ZNF407: variants seen among roughly 807,000 people sequenced by gnomAD.
ZNF407 encodes zinc finger protein 407.
In ZNF407, 17 loss-of-function variants were observed where a neutral mutation model predicts 131.2. That is an observed-to-expected ratio of 0.13 (90% CI 0.09 to 0.19). The LOEUF is 0.19. Among genes scored for constraint, ZNF407 ranks in the 10% least tolerant of loss-of-function variants. ZNF407 has a pLI of 1.00. For missense variants in ZNF407, 2,681 were observed against 2,830.6 expected, an observed-to-expected ratio of 0.95 and a Z score of 1.20; for synonymous variants, 1,156 against 1,062.0, an observed-to-expected ratio of 1.09 and a Z score of -1.72.
chr18:74,719,204 G>T (rs1407928153), intron 3 of ZNF407, among the ~76,000 whole-genome samples: 2 of 152,098 alleles, frequency 1.3e-5, no homozygotes, highest in Non-Finnish European at 2.9e-5. Flanking sequence ...CCTCCTCCTA[G>T]CTGTTTGAAA....
At chr18:74,900,673 G>A (rs1032818837) in intron 7 of ZNF407, among the ~76,000 whole-genome samples, 10 of 152,050 alleles carry the variant, frequency 6.6e-5, no homozygotes, top group African/African-American at 2.4e-4. Context: ...AGTCTAACAG[G>A]ACCCTCTAAT....
chr18:74,878,434 G>A (rs1010985782), intron 5 of ZNF407, among the ~76,000 whole-genome samples: 2 of 152,136 alleles, frequency 1.3e-5, no homozygotes, highest in African/African-American at 4.8e-5. Context: ...CTTGACAAGG[G>A]TGTTGACGAT....
At chr18:74,774,451 G>A (rs1325103749) in intron 3 of ZNF407, among the ~76,000 whole-genome samples, 1 of 152,078 alleles carries the variant, frequency 6.6e-6, no homozygotes, top group East Asian at 1.9e-4. Flanking sequence ...AAGAAATTTC[G>A]AGATTACTAC....
chr18:74,927,455 T>C (rs1161715173), intron 8 of ZNF407, among the ~76,000 whole-genome samples: 2 of 152,230 alleles, frequency 1.3e-5, no homozygotes, highest in African/African-American at 4.8e-5. Context: ...GTAAATGTTT[T>C]CACAGTTGTA....
At chr18:74,640,742 C>T (rs1233755956) in intron 2 of ZNF407, among the ~76,000 whole-genome samples, 5 of 152,114 alleles carry the variant, frequency 3.3e-5, no homozygotes, top group African/African-American at 1.2e-4. Flanking sequence ...ATCTCATCGA[C>T]TTAGTACTGC....
chr18:75,028,554 A>G (rs1973198619), intron 8 of ZNF407, among the ~76,000 whole-genome samples: 1 of 152,238 alleles, frequency 6.6e-6, no homozygotes, highest in Admixed American at 6.5e-5. Context: ...AGCTCCTAAC[A>G]GACTTAAAAT....
At chr18:74,654,360 G>C (rs2144716639) in intron 3 of ZNF407, among the ~76,000 whole-genome samples, 1 of 151,770 alleles carries the variant, frequency 6.6e-6, no homozygotes, top group South Asian at 2.1e-4. Flanking sequence ...GAAAAATAAA[G>C]GCAATGTTTT....
intron 8 of ZNF407, among the ~76,000 whole-genome samples, chr18:74,962,425 T>G (rs1457223508): frequency 6.6e-6 from 1 of 152,210 alleles, no homozygotes; most frequent in Non-Finnish European, 1.5e-5. Flanking sequence ...GGCCCCTGTT[T>G]CTCCAGCACA....
intron 4 of ZNF407, among the ~76,000 whole-genome samples, chr18:74,794,413 A>T (rs899585515): frequency 6.8e-6 from 1 of 146,912 alleles, no homozygotes; most frequent in Admixed American, 6.8e-5. Context: ...GGGTCACATA[A>T]TTTTTTTTTT....
chr18:74,777,044 G>A (rs1038505377), intron 3 of ZNF407, among the ~76,000 whole-genome samples: 1 of 152,052 alleles, frequency 6.6e-6, no homozygotes, highest in African/African-American at 2.4e-5. Flanking sequence ...GTTCAGACTC[G>A]TGTTGTTCAA....
At position 74,766,031 on chromosome 18, in the gene ZNF407, G is replaced by C. The variant is rs1345404884; in HGVS notation, c.4803-15397G>C. 2.1e-4 allele frequency among the ~76,000 whole-genome samples: 30 copies of C among 144,106 alleles called. 1 individual carries two copies. The East Asian group carries it at 5.8e-3, about 28-fold the overall frequency. The allele number at this position is 144,106 out of a possible 152,430, so 94.5% of individuals were successfully genotyped here. ...ACTCTGTGTGTGTGTGTGTGTGTGT[G>C]TGTGTGTGTGTGTGTGTGTGTGTGT... is the stretch of plus-strand genomic sequence containing the variant. On this transcript the variant is annotated intron_variant, in intron 3 of 8. Transcript: ENST00000299687.
chr18:74,895,563 A>G (rs1971443389), intron 7 of ZNF407, among the ~76,000 whole-genome samples: 1 of 152,210 alleles, frequency 6.6e-6, no homozygotes, highest in East Asian at 1.9e-4. Flanking sequence ...TGACAAAAAA[A>G]ATTGTATTTA....
intron 8 of ZNF407, among the ~76,000 whole-genome samples, chr18:75,044,089 A>G (rs1973404679): frequency 6.6e-6 from 1 of 152,142 alleles, no homozygotes; most frequent in Non-Finnish European, 1.5e-5. Context: ...CCACGATATC[A>G]AACACCACTG....
chr18:74,781,657 G>A (rs1298287909), intron 4 of ZNF407, among the ~76,000 whole-genome samples, 155 bp downstream of exon 4: 2 of 150,994 alleles, frequency 1.3e-5, no homozygotes, highest in Admixed American at 1.3e-4. Flanking sequence ...TTATGCCATC[G>A]TTTCACAAAA....
chr18:74,970,672 G>GC (rs532949739), intron 8 of ZNF407, among the ~76,000 whole-genome samples: 379 of 152,306 alleles, frequency 2.5e-3, no homozygotes, highest in African/African-American at 8.6e-3. Context: ...GCAGGGTATA[G>GC]CCCCCCTCCT....
At chr18:74,812,955 C>T (rs912968786) in intron 4 of ZNF407, among the ~76,000 whole-genome samples, 9 of 152,056 alleles carry the variant, frequency 5.9e-5, no homozygotes, top group African/African-American at 1.9e-4. Flanking sequence ...GTTTTTGTTG[C>T]GGTGCTCCAT....
At chr18:74,733,395 T>A (rs1007187076) in intron 3 of ZNF407, among the ~76,000 whole-genome samples, 1 of 152,142 alleles carries the variant, frequency 6.6e-6, no homozygotes, top group Non-Finnish European at 1.5e-5. Context: ...AGATTTCTTC[T>A]TTCAAAAGTA....
chr18:74,787,591 G>A (rs556916565), intron 4 of ZNF407, among the ~76,000 whole-genome samples: 2 of 152,218 alleles, frequency 1.3e-5, no homozygotes, highest in African/African-American at 4.8e-5. Context: ...CAATGTCACC[G>A]GTACTCCTGC....
chr18:74,724,950 T>C (rs1449908241), intron 3 of ZNF407, among the ~76,000 whole-genome samples: 1 of 152,240 alleles, frequency 6.6e-6, no homozygotes, highest in Admixed American at 6.5e-5. Context: ...ATTTAACATC[T>C]GTGAGGCTTC....
Sources: allele counts gnomAD v4.1 joint callset (sites outside exome capture counted in the v4.1 genomes callset), GRCh38; gene constraint gnomAD v4.1.1; transcripts MANE v1.5; gene names NCBI Gene and HGNC (gene_info 2026-07-23, HGNC 2026-07-21).